ZNF385D: variants seen among roughly 807,000 people sequenced by gnomAD.
ZNF385D encodes the protein zinc finger protein 659.
ZNF385D carries 15 observed loss-of-function variants against 35.8 expected under a neutral mutation model. The observed-to-expected ratio is 0.42, with a 90% CI of 0.28 to 0.64. The LOEUF (loss-of-function observed/expected upper bound fraction) is 0.64, where lower values mean the gene tolerates loss of function less well. Among genes scored for constraint, ZNF385D ranks in the 30% least tolerant of loss-of-function variants. The pLI is 0.23. For missense variants in ZNF385D, 474 were observed against 494.6 expected (o/e 0.96, Z 0.39); for synonymous variants, 212 against 186.8 (o/e 1.13, Z -1.10).
intron 2 of ZNF385D, among the ~76,000 whole-genome samples, chr3:21,659,575 A>G (rs535269150): frequency 6.6e-6 from 1 of 152,232 alleles, no homozygotes; most frequent in African/African-American, 2.4e-5. Flanking sequence ...AAGCTAAAAT[A>G]TAACCACAGG....
intron 1 of ZNF385D, among the ~76,000 whole-genome samples, chr3:21,745,175 C>A (rs552114214): frequency 6.6e-6 from 1 of 152,318 alleles, no homozygotes; most frequent in East Asian, 1.9e-4. Context: ...TTTCTGTGAG[C>A]ATCAATCCTG....
At chr3:22,275,564 T>C (rs1329015765) in intron 2 of ZNF385D, among the ~76,000 whole-genome samples, 1 of 152,150 alleles carries the variant, frequency 6.6e-6, no homozygotes, top group Non-Finnish European at 1.5e-5. Context: ...TTGCTTACCA[T>C]TTAAAAAGTT....
chr3:21,518,113 T>C (rs145792010), intron 3 of ZNF385D, among the ~76,000 whole-genome samples: 1,912 of 152,300 alleles, frequency 0.013, 33 homozygotes, highest in African/African-American at 0.043. Flanking sequence ...GCCATTTCTT[T>C]TGGCACTTCT....
At chr3:21,739,181 A>T (rs753306836) in intron 1 of ZNF385D, among the ~76,000 whole-genome samples, 3 of 152,236 alleles carry the variant, frequency 2.0e-5, no homozygotes, top group African/African-American at 4.8e-5. Context: ...TCTAAGTGGT[A>T]GACTCTAGTC....
At chr3:22,220,556 T>C (rs562929742) in intron 2 of ZNF385D, among the ~76,000 whole-genome samples, 79 of 152,346 alleles carry the variant, frequency 5.2e-4, no homozygotes, top group African/African-American at 1.8e-3. Flanking sequence ...GATTCTGTTA[T>C]TGTCATTGTC....
At chr3:21,932,711 G>A (rs189129307) in intron 3 of ZNF385D, among the ~76,000 whole-genome samples, 3 of 151,962 alleles carry the variant, frequency 2.0e-5, no homozygotes, top group Admixed American at 6.6e-5. Context: ...TGACTTTATG[G>A]TTTCTCAAGC....
chr3:21,611,491 A>G (rs1383783209), intron 2 of ZNF385D, among the ~76,000 whole-genome samples: 1 of 152,250 alleles, frequency 6.6e-6, no homozygotes, highest in African/African-American at 2.4e-5. Context: ...GAGCTGGAAC[A>G]AAAGTCTTAA....
intron 2 of ZNF385D, among the ~76,000 whole-genome samples, chr3:22,318,669 G>C (rs1704034259): frequency 6.6e-6 from 1 of 152,100 alleles, no homozygotes. Context: ...AATTACCCAA[G>C]ATTGAGCACG....
chr3:22,081,410 T>C (rs780699723), intron 3 of ZNF385D, among the ~76,000 whole-genome samples: 15 of 152,194 alleles, frequency 9.9e-5, no homozygotes, highest in Non-Finnish European at 1.8e-4. Flanking sequence ...AATTTGTAAG[T>C]TTATAGTGAA....
intron 3 of ZNF385D, among the ~76,000 whole-genome samples, chr3:22,013,829 C>A (rs1001924082): frequency 6.6e-6 from 1 of 152,090 alleles, no homozygotes; most frequent in Non-Finnish European, 1.5e-5. Context: ...AAGTGTTCCA[C>A]AGCAACCCCC....
intron 3 of ZNF385D, among the ~76,000 whole-genome samples, chr3:21,881,795 C>G (rs1698290130): frequency 6.6e-6 from 1 of 151,848 alleles, no homozygotes; most frequent in Non-Finnish European, 1.5e-5. Context: ...ATCATGGGAG[C>G]AGGTAAAAAT....
At chr3:22,206,598 A>G (rs1312468455) in intron 2 of ZNF385D, among the ~76,000 whole-genome samples, 1 of 151,996 alleles carries the variant, frequency 6.6e-6, no homozygotes, top group Non-Finnish European at 1.5e-5. Context: ...CACCATGAAT[A>G]AAACTAGAAA....
Position 21,736,247 on chromosome 3 carries a change from T to G in ZNF385D, c.22+14648A>C, listed in dbSNP as rs575834574. ...AAGAGCTCAATAGATGGTGACATCA[T>G]CGCTGCTTGGAAATTTTGTTTCCTT... On this transcript the variant is annotated intron_variant, in intron 1 of 7. Transcript: ENST00000281523. Among the ~76,000 whole-genome samples the G allele has an allele frequency of 7.9e-5, 12 of 152,346 alleles. No individual in the cohort carries two copies. In the South Asian group the frequency reaches 2.3e-3, roughly 29 times the overall value.
chr3:22,231,309 T>C (rs1238420372), intron 2 of ZNF385D, among the ~76,000 whole-genome samples: 1 of 151,986 alleles, frequency 6.6e-6, no homozygotes, highest in Non-Finnish European at 1.5e-5. Context: ...GTGCCTATTA[T>C]AAGCAAAAAG....
chr3:21,513,726 C>T (rs900329490), intron 3 of ZNF385D, among the ~76,000 whole-genome samples: 1 of 152,000 alleles, frequency 6.6e-6, no homozygotes, highest in South Asian at 2.1e-4. Flanking sequence ...GACAGATAAC[C>T]CTTCTAGATA....
chr3:21,531,502 C>A (rs1203568010), intron 3 of ZNF385D, among the ~76,000 whole-genome samples: 1 of 152,126 alleles, frequency 6.6e-6, no homozygotes, highest in Non-Finnish European at 1.5e-5. Flanking sequence ...AAATGAGAAA[C>A]AACCAAGTTG....
chr3:21,994,305 G>A (rs1316669168), intron 3 of ZNF385D, among the ~76,000 whole-genome samples: 3 of 152,188 alleles, frequency 2.0e-5, no homozygotes, highest in Non-Finnish European at 4.4e-5. Flanking sequence ...TTGAGATTAT[G>A]CCAAAGTGTT....
At chr3:22,074,013 T>C (rs537376176) in intron 3 of ZNF385D, among the ~76,000 whole-genome samples, 6 of 152,098 alleles carry the variant, frequency 3.9e-5, no homozygotes, top group Middle Eastern at 6.8e-3. Context: ...TAATGTTCTC[T>C]TCATATGTCC....
At chr3:22,363,308 C>G (rs1387926242) in intron 2 of ZNF385D, among the ~76,000 whole-genome samples, 1 of 152,112 alleles carries the variant, frequency 6.6e-6, no homozygotes, top group East Asian at 1.9e-4. Context: ...TGTCAGAATA[C>G]GTGAGCTCAA....
Sources: gnomAD v4.1 joint callset for allele counts (sites outside exome capture counted in the v4.1 genomes callset) on GRCh38, gnomAD v4.1.1 for gene constraint, MANE v1.5 for transcripts, NCBI Gene and HGNC (gene_info 2026-07-23, HGNC 2026-07-21) for gene names.